Variants in CPA6 observed in about 807,000 individuals in gnomAD.
CPA6 encodes the protein carboxypeptidase B.
CPA6 carries 58 observed loss-of-function variants against 63.3 expected under a neutral mutation model. The ratio of observed to expected loss-of-function variants is 0.92; its 90% CI spans 0.74 to 1.14. The LOEUF is 1.14. Ranked by LOEUF, CPA6 falls within the 50% of genes most tolerant of loss-of-function variation. The probability of loss-of-function intolerance (pLI) is 0.00; values close to 1 mark genes in which losing one functional copy is unlikely to be tolerated. For synonymous variants in CPA6, 185 were observed against 179.0 expected (o/e 1.03, Z -0.27); for missense variants, 565 against 526.6 (o/e 1.07, Z -0.71).
At chr8:67,743,786 T>C (rs77876360) in intron 1 of CPA6, among the ~76,000 whole-genome samples, 2,057 of 152,336 alleles carry the variant, frequency 0.014, 55 homozygotes, top group African/African-American at 0.047. Flanking sequence ...GTGTTCCATT[T>C]TTTATTCATG....
chr8:67,700,515 T>TG (rs35042846), intron 1 of CPA6, among the ~76,000 whole-genome samples: 67,638 of 151,956 alleles, frequency 0.45, 17,125 homozygotes, highest in African/African-American at 0.7. Context: ...TTTGGTATTT[T>TG]GGGGAGACAA....
intron 8 of CPA6, chr8:67,452,642 A>G (rs1810580097): frequency 6.6e-6 from 1 of 152,220 alleles, no homozygotes; most frequent in African/African-American, 2.4e-5. Flanking sequence ...CTTCCATTCC[A>G]GTGGTGGTGG....
At chr8:67,711,162 T>C (rs1350425759) in intron 1 of CPA6, among the ~76,000 whole-genome samples, 1 of 152,208 alleles carries the variant, frequency 6.6e-6, no homozygotes, top group Non-Finnish European at 1.5e-5. Flanking sequence ...ACAAAGAAAC[T>C]GCAGAGAGTT....
At chr8:67,507,982 G>A (rs1195246704) in intron 5 of CPA6, among the ~76,000 whole-genome samples, 1 of 149,946 alleles carries the variant, frequency 6.7e-6, no homozygotes, top group East Asian at 2.0e-4. Context: ...GCTTCCTCCT[G>A]TATTCTATGG....
chr8:67,643,539 T>C (rs889017285), intron 1 of CPA6, among the ~76,000 whole-genome samples: 7 of 133,790 alleles, frequency 5.2e-5, no homozygotes, highest in Non-Finnish European at 9.7e-5. Flanking sequence ...TACAAGTATA[T>C]ATGGTAGTTT....
chr8:67,444,042 A>T (rs1351797403), intron 8 of CPA6, among the ~76,000 whole-genome samples: 4 of 145,246 alleles, frequency 2.8e-5, no homozygotes, highest in Non-Finnish European at 6.0e-5. Context: ...CCCAGGCTGG[A>T]GTGCAGTGGT....
chr8:67,668,948 C>CCTGCAGGTAGCTAAAGAAAGGGGCAG (rs1414335664), intron 1 of CPA6, among the ~76,000 whole-genome samples: 4 of 152,110 alleles, frequency 2.6e-5, no homozygotes, highest in Admixed American at 6.5e-5. Context: ...TGGATGCTCG[C>CCTGCAGGTAGCTAAAGAAAGGGGCAG]CTGCAGGTAG....
intron 10 of CPA6, among the ~76,000 whole-genome samples, chr8:67,423,881 G>T (rs1187897114): frequency 6.6e-6 from 1 of 152,212 alleles, no homozygotes; most frequent in East Asian, 1.9e-4. Context: ...CACTGGTACT[G>T]GTCCGAGGCC....
chr8:67,613,528 T>C (rs1005758909), intron 2 of CPA6, among the ~76,000 whole-genome samples: 1 of 152,244 alleles, frequency 6.6e-6, no homozygotes, highest in African/African-American at 2.4e-5. Context: ...GAGATATATA[T>C]GTACATGCCA....
rs5892094 is a variant in CPA6, at chr8:67,711,686, T to TACACACACAC, written c.116+34318_116+34327dup. On this transcript the variant is annotated intron_variant, in intron 1 of 10. Transcript: ENST00000297770. ...TGCATGTGGTATATGTATGCCTGTG[T>TACACACACAC]ACACACACACACACACACACACACA... is the stretch of plus-strand genomic sequence containing the variant. 2.9e-3 allele frequency among the ~76,000 whole-genome samples: 392 copies of TACACACACAC among 133,940 alleles called. 1 individual carries two copies. Among genetic ancestry groups the TACACACACAC allele is most frequent in the African/African-American group, 0.011 (362 of 32,222 alleles). 87.9% of individuals were successfully genotyped at this position (133,940 alleles called of 152,430 possible). A position where few individuals can be genotyped will look rare whatever the true frequency, so the allele number is the denominator to read the frequency against.
At position 67,559,648 on chromosome 8, in the gene CPA6, A is replaced by AGTTT. The variant is rs760484481; in HGVS notation, c.193-41602_193-41601insAAAC. Among the ~76,000 whole-genome samples, 4 of 152,086 alleles carry AGTTT rather than the reference A, an allele frequency of 2.6e-5. No homozygotes were observed. The East Asian group carries it at 7.7e-4, about 29-fold the overall frequency. On this transcript the variant is annotated intron_variant, in intron 2 of 10. Transcript: ENST00000297770. Reference sequence around the variant, plus strand: ...TTTGCATGTGTGAAGAAACAGGCAAACTTTCTTTCTTATTTATTCTATTCT... The same window carrying AGTTT: ...TTTGCATGTGTGAAGAAACAGGCAAAGTTTCTTTCTTTCTTATTTATTCTATTCT...
chr8:67,559,680 C>T (rs964318604), intron 2 of CPA6, among the ~76,000 whole-genome samples: 3 of 152,040 alleles, frequency 2.0e-5, no homozygotes, highest in African/African-American at 7.2e-5. Context: ...TTCTGTTTGT[C>T]CTTTTAAGGC....
At chr8:67,719,853 G>A (rs1230926270) in intron 1 of CPA6, among the ~76,000 whole-genome samples, 1 of 152,152 alleles carries the variant, frequency 6.6e-6, no homozygotes, top group Non-Finnish European at 1.5e-5. Context: ...GGGCAGGGAA[G>A]ATTGTATGTG....
intron 1 of CPA6, among the ~76,000 whole-genome samples, chr8:67,668,119 C>T (rs1587687002): frequency 6.6e-6 from 1 of 152,366 alleles, no homozygotes; most frequent in African/African-American, 2.4e-5. Flanking sequence ...AAGAAGACAT[C>T]ATCAATCTGG....
At chr8:67,632,073 T>C (rs1815346973) in intron 1 of CPA6, among the ~76,000 whole-genome samples, 1 of 152,336 alleles carries the variant, frequency 6.6e-6, no homozygotes, top group Middle Eastern at 3.4e-3. Context: ...ATTAATATTT[T>C]ATTTCAGAGT....
In CPA6 at chr8:67,720,599, A is replaced by G. The variant is rs543289808; in HGVS notation, c.116+25415T>C. Among the ~76,000 whole-genome samples, 6 of 152,216 alleles carry G rather than the reference A, an allele frequency of 3.9e-5. No homozygotes were observed. In the East Asian group the frequency reaches 7.7e-4, roughly 20 times the overall value. ...GATCCAGTGACGGAGTAAAAGGAGA[A>G]GTGGTCAGAAAACTGCGAGGGCCAC... is the stretch of plus-strand genomic sequence containing the variant. On this transcript the variant is annotated intron_variant, in intron 1 of 10. Transcript: ENST00000297770.
intron 2 of CPA6, among the ~76,000 whole-genome samples, chr8:67,562,238 A>G (rs1029793029): frequency 2.6e-5 from 4 of 152,252 alleles, no homozygotes; most frequent in Non-Finnish European, 5.9e-5. Flanking sequence ...ATAAACATGT[A>G]CTTTTTGGCT....
intron 6 of CPA6, among the ~76,000 whole-genome samples, chr8:67,496,555 A>ATATATATATT (rs1199617624): frequency 6.3e-4 from 64 of 100,958 alleles, no homozygotes; most frequent in African/African-American, 2.1e-3. Context: ...ATATATATAT[A>ATATATATATT]TATTTATTTT....
intron 2 of CPA6, among the ~76,000 whole-genome samples, chr8:67,617,523 C>G (rs1308965873): frequency 6.6e-6 from 1 of 152,150 alleles, no homozygotes; most frequent in Non-Finnish European, 1.5e-5. Flanking sequence ...TACTGACAGG[C>G]CAAATTCTTG....
Sources: allele counts gnomAD v4.1 joint callset (sites outside exome capture counted in the v4.1 genomes callset), GRCh38; gene constraint gnomAD v4.1.1; transcripts MANE v1.5; gene names NCBI Gene and HGNC (gene_info 2026-07-23, HGNC 2026-07-21).